Variants in TCF20 observed in about 807,000 individuals in gnomAD.
TCF20 encodes transcription factor 20.
TCF20 carries 3 observed loss-of-function variants against 148.6 expected under a neutral mutation model. The observed-to-expected ratio is 0.02, with a 90% CI of 0.01 to 0.05. TCF20 has a LOEUF of 0.05. Ranked by LOEUF, TCF20 falls within the 10% of genes least tolerant of loss-of-function variation. The pLI, the probability that TCF20 is intolerant of heterozygous loss-of-function variation, is 1.00. For synonymous variants in TCF20, 1,049 were observed against 909.5 expected, an observed-to-expected ratio of 1.15 and a Z score of -2.76; for missense variants, 2,350 against 2,429.3, an observed-to-expected ratio of 0.97 and a Z score of 0.69.
intron 1 of TCF20, among the ~76,000 whole-genome samples, chr22:42,328,068 G>C (rs1927905658): frequency 6.6e-6 from 1 of 152,028 alleles, no homozygotes; most frequent in Non-Finnish European, 1.5e-5. Flanking sequence ...TTTCACCTCT[G>C]TGAATATCTG....
At chr22:42,331,970 A>C (rs1238491980) in intron 1 of TCF20, among the ~76,000 whole-genome samples, 1 of 152,250 alleles carries the variant, frequency 6.6e-6, no homozygotes, top group Admixed American at 6.5e-5. Flanking sequence ...AAATACTAGC[A>C]AGATGCTATC....
upstream of TCF20, among the ~76,000 whole-genome samples, chr22:42,288,390 G>A (rs2147023727): frequency 6.6e-6 from 1 of 152,138 alleles, no homozygotes; most frequent in African/African-American, 2.4e-5. Flanking sequence ...CAAAAAATTA[G>A]CCAGGCATGG....
At chr22:42,223,876 C>T (rs1305558978) in intron 1 of TCF20, among the ~76,000 whole-genome samples, 2 of 152,104 alleles carry the variant, frequency 1.3e-5, no homozygotes, top group Admixed American at 6.6e-5. Context: ...TGGGCAGAGC[C>T]TATATTTTTC....
chr22:42,299,225 A>G lies in TCF20; in HGVS notation c.-37+44254T>C, dbSNP rs1927288289. Among the ~76,000 whole-genome samples, 1 of 152,200 alleles carries G rather than the reference A, an allele frequency of 6.6e-6. No individual in the cohort carries two copies. Among genetic ancestry groups the G allele is most frequent in the African/African-American group, 2.4e-5 (1 of 41,440 alleles). On this transcript the variant is annotated intron_variant, in intron 1 of 1. Transcript: ENST00000515426. The surrounding 1 kb of genome is among the most constrained non-coding windows in gnomAD (Gnocchi z 4.1). ...CGGTAGGCAGACAGCAAGAGCAACCAGTGAGCCCAGAGGACAATCACAGGG... is the reference window on the plus strand; with the variant it reads ...CGGTAGGCAGACAGCAAGAGCAACCGGTGAGCCCAGAGGACAATCACAGGG...
At chr22:42,234,721 C>T (rs1427843302) in intron 1 of TCF20, among the ~76,000 whole-genome samples, 1 of 152,130 alleles carries the variant, frequency 6.6e-6, no homozygotes, top group Non-Finnish European at 1.5e-5. Context: ...AAAATGCTAA[C>T]TCCAAACTAA....
At chr22:42,220,663 G>C (rs1276458015) in intron 1 of TCF20, among the ~76,000 whole-genome samples, 1 of 152,068 alleles carries the variant, frequency 6.6e-6, no homozygotes, top group Admixed American at 6.6e-5. Flanking sequence ...GCCCTAGAAC[G>C]GACAATGGAA....
intron 2 of TCF20, among the ~76,000 whole-genome samples, chr22:42,187,758 C>T (rs1937116045): frequency 6.6e-6 from 1 of 152,174 alleles, no homozygotes; most frequent in Non-Finnish European, 1.5e-5. Context: ...TTAAGAATGT[C>T]CTTCTTTGTC....
chr22:42,171,068 C>G (rs1936104426), intron 3 of TCF20, among the ~76,000 whole-genome samples: 1 of 152,186 alleles, frequency 6.6e-6, no homozygotes, highest in Non-Finnish European at 1.5e-5. Context: ...CAACTTGTAA[C>G]ATGATGACAG....
intron 3 of TCF20, among the ~76,000 whole-genome samples, chr22:42,171,868 A>G (rs1936151506): frequency 6.6e-6 from 1 of 152,218 alleles, no homozygotes; most frequent in South Asian, 2.1e-4. Context: ...CAGTGAGGAC[A>G]GGGACCACAC....
rs1402266035 is a variant in TCF20, at chr22:42,270,492, G to C, written c.-190C>G. ...CGGGCCGGCGGCGGGGCGGGCCGGG[G>C]CCGCGGCCCCTCGAGGCTCGCTCCG... On this transcript the variant is annotated 5_prime_UTR_variant, in exon 1 of 6. Transcript: ENST00000677622. Among the ~76,000 whole-genome samples the C allele has an allele frequency of 6.9e-6, 1 of 144,588 alleles. No individual in the cohort carries two copies. The highest frequency in any genetic ancestry group is 1.5e-5 in the Non-Finnish European group (1 of 65,084). 94.9% of individuals were successfully genotyped at this position (144,588 alleles called of 152,430 possible).
rs8140436 is a variant in TCF20, at chr22:42,173,168, G to A, written c.5750-3272C>T. On this transcript the variant is annotated intron_variant, in intron 3 of 5. Transcript: ENST00000677622. ...CCACACAAGGTTCTTTACGCACAGT[G>A]GAATTATTAATGAGCTACCACAGCC... Among the ~76,000 whole-genome samples the A allele has an allele frequency of 2.2e-3, 333 of 151,220 alleles. 1 individual carries two copies. Among genetic ancestry groups the A allele is most frequent in the African/African-American group, 7.8e-3 (322 of 41,146 alleles).
intron 2 of TCF20, among the ~76,000 whole-genome samples, chr22:42,179,936 C>T (rs192511698): frequency 1.6e-3 from 241 of 152,294 alleles, no homozygotes; most frequent in South Asian, 2.9e-3. Context: ...ATCAACAATA[C>T]AGCAGGGTGA....
At chr22:42,270,721 G>GGC (rs1314481718), upstream of TCF20, among the ~76,000 whole-genome samples, 76 of 143,300 alleles carry the variant, frequency 5.3e-4, no homozygotes, top group South Asian at 3.8e-3. Flanking sequence ...CGGGCGGGAG[G>GGC]GCGCGCGGCG....
intron 1 of TCF20, among the ~76,000 whole-genome samples, chr22:42,293,730 G>A (rs112510122): frequency 0.095 from 14,483 of 152,316 alleles, 823 homozygotes; most frequent in African/African-American, 0.15. Context: ...GGCTGGGCGC[G>A]GTGGCTCAGG....
rs756015403 is a variant in TCF20, at chr22:42,209,852, T to G, written c.5454A>C (p.Glu1818Asp). The G allele has an allele frequency of 3.0e-5, 49 of 1,614,066 alleles. No individual in the cohort carries two copies. The highest frequency in any genetic ancestry group is 3.7e-5 in the Non-Finnish European group (44 of 1,180,046). The change falls in exon 2 of 6, where the codon GAA becomes GAC. Residue 1818 changes from glutamate to aspartate, a missense_variant. Physicochemically the swap from Glu to Asp is conservative, Grantham distance 45. Around this residue, in one of 7 missense-constraint regions of TCF20, gnomAD observed 374 missense variants for 398.3 expected, o/e 0.94. Transcript: ENST00000677622. The stretch of plus-strand genomic sequence containing the variant: ...AGGGCTTCGAGTCCAAAACAGTCTT[T>G]TCACTGCTGCCCTCAGTGGCTGCTT... ...CKKAATEGSS[E>D]KTVLDSKPSV...
chr22:42,232,163 G>A (rs1923475760), intron 1 of TCF20, among the ~76,000 whole-genome samples: 1 of 151,934 alleles, frequency 6.6e-6, no homozygotes, highest in East Asian at 1.9e-4. Flanking sequence ...TTAGACATAT[G>A]CAGATACATA....
chr22:42,186,292 G>A (rs1376232368), intron 2 of TCF20, among the ~76,000 whole-genome samples: 1 of 152,148 alleles, frequency 6.6e-6, no homozygotes, highest in Non-Finnish European at 1.5e-5. Context: ...AAGTCACCAG[G>A]TCAATTTTAT....
At chr22:42,284,886 A>C (rs549701278), upstream of TCF20, among the ~76,000 whole-genome samples, 9 of 152,336 alleles carry the variant, frequency 5.9e-5, no homozygotes, top group South Asian at 1.9e-3. Context: ...AAGATGGGGA[A>C]ACCAAGGCCC....
Position 42,169,896 on chromosome 22 carries a change from T to C in TCF20, c.5750A>G (p.Asp1917Gly), listed in dbSNP as rs752474784. 2 of 1,613,132 alleles carry C rather than the reference T, an allele frequency of 1.2e-6. No homozygotes were observed. Among genetic ancestry groups the C allele is most frequent in the Non-Finnish European group, 1.7e-6 (2 of 1,179,968 alleles). Residue 1917 changes from aspartate (D) to glycine (G), a missense_variant and splice_region_variant, in exon 4 of 6, where the codon GAT becomes GGT. This residue lies in a region of TCF20 where 67 missense variants were observed against 60.8 expected (regional missense o/e 1.10). Transcript: ENST00000677622. ...GAAGTTCTCCTCATGTAGCAAACAA[T>C]CTGGAAGACAGAAGGGGACAGTCAG... Reference protein sequence around the residue: ...RYHYPCAIDADCLLHEENFSV... With the variant: ...RYHYPCAIDAGCLLHEENFSV...
Sources: gnomAD v4.1 joint callset for allele counts (sites outside exome capture counted in the v4.1 genomes callset) on GRCh38, gnomAD v4.1.1 for gene constraint, gnomAD v4.1.1 regional missense constraint, Gnocchi (gnomAD v3.1) non-coding constraint, MANE v1.5 for transcripts, NCBI Gene and HGNC (gene_info 2026-07-23, HGNC 2026-07-21) for gene names.